SCYL2: variants seen among roughly 807,000 people sequenced by gnomAD.
The protein encoded by SCYL2 is SCY1-like protein 2.
SCYL2 carries 36 observed loss-of-function variants against 100.4 expected under a neutral mutation model. The observed-to-expected ratio is 0.36, with a 90% CI of 0.27 to 0.47. The LOEUF (loss-of-function observed/expected upper bound fraction) is 0.47. SCYL2 is among the 20% of genes least tolerant of loss of function. SCYL2 has a pLI of 1.00. For missense variants in SCYL2, 902 were observed against 1,083.9 expected, an observed-to-expected ratio of 0.83 and a Z score of 2.36; for synonymous variants, 330 against 359.2, an observed-to-expected ratio of 0.92 and a Z score of 0.92.
At chr12:100,334,359 C>G (rs767894623) in intron 14 of SCYL2, 93 bp downstream of exon 14, 7 of 787,026 alleles carry the variant, frequency 8.9e-6, no homozygotes, top group Non-Finnish European at 1.1e-5. Context: ...AGAAAACTTG[C>G]TGGATTTAAA....
At chr12:100,294,724 G>C (rs1323892036) in intron 3 of SCYL2, among the ~76,000 whole-genome samples, 1 of 130,644 alleles carries the variant, frequency 7.7e-6, no homozygotes, top group African/African-American at 3.3e-5. Flanking sequence ...CCTCCCGGAC[G>C]GGGTGGCTGG....
At chr12:100,329,701 G>GT (rs1004010299) in intron 13 of SCYL2, among the ~76,000 whole-genome samples, 4 of 152,330 alleles carry the variant, frequency 2.6e-5, no homozygotes, top group Non-Finnish European at 5.9e-5. Flanking sequence ...GCTTCTGTGG[G>GT]TCAGGCCAGA....
rs181483513 is a variant in SCYL2 at position 100,277,764 on chromosome 12, A to G, written c.-28-5179A>G. Among the ~76,000 whole-genome samples, 200 of 151,962 alleles carry G rather than the reference A, an allele frequency of 1.3e-3. 2 individuals carry two copies. Among genetic ancestry groups the G allele is most frequent in the Non-Finnish European group, 2.9e-5 (2 of 67,902 alleles). On this transcript the variant is annotated intron_variant, in intron 1 of 17. Coordinates refer to ENST00000360820, the MANE Select transcript of SCYL2 (RefSeq NM_017988.6). ...TTGCTATTTATTTTGTATTTGCCAC[A>G]TTTGTTTTTTGTTCCTTCCTCTTTT...
intron 9 of SCYL2, among the ~76,000 whole-genome samples, chr12:100,317,093 C>T (rs1393869051): frequency 1.3e-5 from 2 of 149,766 alleles, no homozygotes; most frequent in Non-Finnish European, 3.0e-5. Context: ...GAGTGAGGCC[C>T]TGTCTCAAAA....
At chr12:100,319,806 T>G (rs2096353635) in intron 10 of SCYL2, among the ~76,000 whole-genome samples, 1 of 152,252 alleles carries the variant, frequency 6.6e-6, no homozygotes, top group Non-Finnish European at 1.5e-5. Flanking sequence ...GCTTAGTTGA[T>G]AAAGCATATC....
chr12:100,269,316 G>T (rs867788987), intron 1 of SCYL2, among the ~76,000 whole-genome samples: 1 of 151,642 alleles, frequency 6.6e-6, no homozygotes, highest in Admixed American at 6.6e-5. Flanking sequence ...GCTTGGAAAT[G>T]CCCTTCCTTT....
chr12:100,268,929 ACT>A (rs1396349433), intron 1 of SCYL2, among the ~76,000 whole-genome samples: 1 of 151,544 alleles, frequency 6.6e-6, no homozygotes, highest in Non-Finnish European at 1.5e-5. Flanking sequence ...ATATCTCTTG[ACT>A]CTTGTCTGCT....
At chr12:100,290,676 TGAAA>T (rs1243626526) in intron 2 of SCYL2, among the ~76,000 whole-genome samples, 2 of 152,228 alleles carry the variant, frequency 1.3e-5, no homozygotes, top group Non-Finnish European at 2.9e-5. Context: ...ATAGAAATTC[TGAAA>T]GAGTTTCTAA....
chr12:100,314,594 G>A lies in SCYL2; in HGVS notation c.1075G>A (p.Val359Ile). Reference sequence around the variant, plus strand: ...ACAGTTTTTCAAAGGACTGCCAAAGGTTCTACCAAAACTGCCCAAGGTTTG... The same window carrying A: ...ACAGTTTTTCAAAGGACTGCCAAAGATTCTACCAAAACTGCCCAAGGTTTG... ...KSQFFKGLPK[V>I]LPKLPKRVIV... Residue 359 changes from valine (V) to isoleucine (I), a missense_variant, in exon 8 of 18, where the codon GTT becomes ATT. Val to Ile is a conservative substitution (Grantham distance 29). Coordinates refer to ENST00000360820, the MANE Select transcript of SCYL2 (RefSeq NM_017988.6). The A allele has an allele frequency of 1.3e-6, 2 of 1,598,048 alleles. No homozygotes were observed. The highest frequency in any genetic ancestry group is 1.7e-6 in the Non-Finnish European group (2 of 1,175,406).
chr12:100,326,473 T>G, intron 11 of SCYL2, 149 bp from the exon 12 acceptor site: 1 of 535,314 alleles, frequency 1.9e-6, no homozygotes, highest in Non-Finnish European at 3.0e-6. Context: ...TAAGTGAATT[T>G]CCTATGTTGA....
intron 1 of SCYL2, among the ~76,000 whole-genome samples, chr12:100,277,550 A>C (rs2096293825): frequency 6.6e-6 from 1 of 151,978 alleles, no homozygotes; most frequent in Admixed American, 6.6e-5. Context: ...TAATATTGCC[A>C]CTCCAGCTTG....
chr12:100,332,918 G>A (rs931204767), intron 13 of SCYL2, among the ~76,000 whole-genome samples: 1 of 151,818 alleles, frequency 6.6e-6, no homozygotes, highest in Non-Finnish European at 1.5e-5. Context: ...GTCTCTCCAC[G>A]TTGCCCAGGC....
intron 1 of SCYL2, among the ~76,000 whole-genome samples, chr12:100,277,171 T>G (rs528997968): frequency 1.7e-4 from 26 of 152,314 alleles, no homozygotes; most frequent in African/African-American, 5.5e-4. Flanking sequence ...TATAGTTCAT[T>G]TTAGTGAATG....
chr12:100,312,673 T>TTGCTTA lies in SCYL2; in HGVS notation c.852+25_852+26insATGCTT. 6.4e-7 allele frequency: 1 copy of TTGCTTA among 1,555,744 alleles called. No individual in the cohort carries two copies. The highest frequency in any genetic ancestry group is 8.7e-7 in the Non-Finnish European group (1 of 1,143,834). On this transcript the variant is annotated intron_variant, in intron 6 of 17. Coordinates refer to ENST00000360820, the MANE Select transcript of SCYL2 (RefSeq NM_017988.6). ...GATCAGGTATTTGCCTATAAATAAT[T>TTGCTTA]TGCTTGCATTAAAAAATTTATTAAA...
At chr12:100,338,450 T>C (rs936976767) in intron 17 of SCYL2, 78 bp from the exon 18 acceptor site, 1 of 1,259,176 alleles carries the variant, frequency 7.9e-7, no homozygotes. Flanking sequence ...TCCTTTATAA[T>C]TTAATCTGTC....
rs551221297 is a variant in SCYL2 at position 100,299,879 on chromosome 12, G to A, written c.480+1704G>A. On this transcript the variant is annotated intron_variant, in intron 4 of 17. Transcript: ENST00000360820. Reference sequence around the variant, plus strand: ...TTCGTTTCTCCTGATCAAGTACTTGGGAGAGGAATGGCTAGATCAAATAGT... The same window carrying A: ...TTCGTTTCTCCTGATCAAGTACTTGAGAGAGGAATGGCTAGATCAAATAGT... Among the ~76,000 whole-genome samples, 22 of 152,226 alleles carry A rather than the reference G, an allele frequency of 1.4e-4. No homozygotes were observed. In the South Asian group the frequency reaches 4.6e-3, roughly 32 times the overall value.
intron 3 of SCYL2, among the ~76,000 whole-genome samples, chr12:100,295,302 C>T (rs1246664268): frequency 4.0e-5 from 6 of 151,406 alleles, no homozygotes; most frequent in Admixed American, 1.3e-4. Flanking sequence ...GGGTGGCGGC[C>T]GGGCAGAGGA....
intron 3 of SCYL2, among the ~76,000 whole-genome samples, chr12:100,294,342 G>C (rs776476272): frequency 1.2e-5 from 1 of 85,638 alleles, no homozygotes; most frequent in Non-Finnish European, 2.4e-5. Context: ...GGGCAGAGGC[G>C]CCCCTCACCT....
At chr12:100,315,766 A>C in intron 9 of SCYL2, 32 bp downstream of exon 9, 1 of 1,352,322 alleles carries the variant, frequency 7.4e-7, no homozygotes, top group Non-Finnish European at 1.0e-6. Context: ...GTATTTATCT[A>C]CTGTTATTTA....
Sources: gnomAD v4.1 joint callset for allele counts (sites outside exome capture counted in the v4.1 genomes callset) on GRCh38, gnomAD v4.1.1 for gene constraint, MANE v1.5 for transcripts, NCBI Gene and HGNC (gene_info 2026-07-23, HGNC 2026-07-21) for gene names.